DLEU7: variants seen among roughly 807,000 people sequenced by gnomAD.
The protein encoded by DLEU7 is deleted in lymphocytic leukemia 7.
A neutral mutation model predicts 16.0 loss-of-function variants in DLEU7; 17 were observed. The ratio of observed to expected loss-of-function variants is 1.06; its 90% CI spans 0.73 to 1.59. The LOEUF (loss-of-function observed/expected upper bound fraction) is 1.59, where lower values mean the gene tolerates loss of function less well. Ranked by LOEUF, DLEU7 falls within the 40% of genes most tolerant of loss-of-function variation. The probability of loss-of-function intolerance (pLI) is 0.00; values close to 1 mark genes in which losing one functional copy is unlikely to be tolerated. For synonymous variants in DLEU7, 113 were observed against 139.8 expected (o/e 0.81, Z 1.35); for missense variants, 308 against 314.9 (o/e 0.98, Z 0.17).
At chr13:50,821,967 T>C (rs1385979222), downstream of DLEU7, among the ~76,000 whole-genome samples, 1 of 152,108 alleles carries the variant, frequency 6.6e-6, no homozygotes, top group Non-Finnish European at 1.5e-5. Context: ...CTTCTCAGCC[T>C]TTTGGCTAAG....
At chr13:50,743,128 G>C (rs890373314) in intron 1 of DLEU7, among the ~76,000 whole-genome samples, 41 of 151,158 alleles carry the variant, frequency 2.7e-4, no homozygotes, top group African/African-American at 9.7e-4. Context: ...AATGGAATCT[G>C]TAAGAAAAAG....
intron 1 of DLEU7, among the ~76,000 whole-genome samples, chr13:50,719,936 ATTC>A (rs1326073058): frequency 3.3e-5 from 5 of 152,230 alleles, no homozygotes; most frequent in Non-Finnish European, 1.5e-5. Context: ...CGAAAGTCAC[ATTC>A]TTCTAGTTCT....
chr13:50,763,291 G>A (rs1157624269), intron 1 of DLEU7, among the ~76,000 whole-genome samples: 1 of 152,178 alleles, frequency 6.6e-6, no homozygotes, highest in Non-Finnish European at 1.5e-5. Context: ...CAAATGTTAA[G>A]CAGAGAACTA....
chr13:50,756,224 C>T (rs1162976482), intron 1 of DLEU7, among the ~76,000 whole-genome samples: 1 of 152,208 alleles, frequency 6.6e-6, no homozygotes, highest in African/African-American at 2.4e-5. Context: ...TTCCAGAGAG[C>T]ATCAGCTGTG....
chr13:50,812,038 C>G (rs1231846044), intron 1 of DLEU7, among the ~76,000 whole-genome samples: 2 of 145,504 alleles, frequency 1.4e-5, no homozygotes, highest in African/African-American at 2.5e-5. Flanking sequence ...CCATTGCACT[C>G]CAGCCTGGGT....
intron 1 of DLEU7, among the ~76,000 whole-genome samples, chr13:50,725,024 G>A (rs143247976): frequency 2.8e-4 from 42 of 152,210 alleles, no homozygotes; most frequent in African/African-American, 8.4e-4. Context: ...TCCAAACAAC[G>A]CTAATATCAA....
chr13:50,712,504 T>C (rs1285079003), exon 2 of DLEU7: 2 of 152,794 alleles, frequency 1.3e-5, no homozygotes, highest in East Asian at 3.9e-4. Flanking sequence ...TCAGCATTTA[T>C]GCAGCATATA....
chr13:50,741,677 T>A (rs947601686), intron 1 of DLEU7, among the ~76,000 whole-genome samples: 1 of 152,198 alleles, frequency 6.6e-6, no homozygotes, highest in Non-Finnish European at 1.5e-5. Context: ...CCTTAGCTTT[T>A]TAATAATTTT....
At chr13:50,800,503 A>G (rs758983193) in intron 1 of DLEU7, among the ~76,000 whole-genome samples, 6 of 152,078 alleles carry the variant, frequency 3.9e-5, no homozygotes, top group African/African-American at 7.2e-5. Flanking sequence ...ATTGCTACCT[A>G]TACCCCCTGG....
At chr13:50,742,497 T>C (rs757516452) in intron 1 of DLEU7, among the ~76,000 whole-genome samples, 7 of 149,578 alleles carry the variant, frequency 4.7e-5, no homozygotes, top group Non-Finnish European at 9.0e-5. Context: ...AACACCACTT[T>C]AAGGCTAACA....
downstream of DLEU7, chr13:50,822,533 C>T (rs971192596): frequency 1.2e-5 from 9 of 730,142 alleles, no homozygotes; most frequent in South Asian, 1.2e-4. Flanking sequence ...CGGCTCTAAA[C>T]GGTTTGGGAA....
chr13:50,840,951 A>G (rs1380725666), intron 1 of DLEU7, among the ~76,000 whole-genome samples: 1 of 152,214 alleles, frequency 6.6e-6, no homozygotes, highest in African/African-American at 2.4e-5. Context: ...GAAAATGTTT[A>G]GAATCAAAAG....
In DLEU7 at chr13:50,843,258, T is replaced by G; in HGVS notation, c.389A>C (p.Glu130Ala). 6.3e-7 allele frequency: 1 copy of G among 1,592,674 alleles called. No homozygotes were observed. The highest frequency in any genetic ancestry group is 8.5e-7 in the Non-Finnish European group (1 of 1,169,804). ...CAGCGTCTGCTCCACGCTGACCAGC[T>G]CCGAAGTCGAGTCCACCACGCGGGC... ...ALARVVDSTS[E>A]LVSVEQTLLG... The change falls in exon 1 of 2, where the codon GAG (glutamate) becomes GCG (alanine). Residue 130 changes from glutamate (E) to alanine (A), a missense_variant. Coordinates refer to ENST00000504404, the MANE Select transcript of DLEU7 (RefSeq NM_001306135.2). The surrounding 1 kb of genome is among the most constrained non-coding windows in gnomAD (Gnocchi z 5.7).
At chr13:50,829,352 A>G (rs1877189827) in intron 1 of DLEU7, among the ~76,000 whole-genome samples, 1 of 152,236 alleles carries the variant, frequency 6.6e-6, no homozygotes, top group Non-Finnish European at 1.5e-5. Context: ...AATACTAACT[A>G]CAAAGTATAA....
intron 1 of DLEU7, among the ~76,000 whole-genome samples, chr13:50,733,466 T>A (rs538511228): frequency 6.6e-6 from 1 of 152,334 alleles, no homozygotes; most frequent in South Asian, 2.1e-4. Flanking sequence ...TTCACGGATC[T>A]TACCTGTATG....
At chr13:50,799,015 C>T (rs149618171) in intron 1 of DLEU7, among the ~76,000 whole-genome samples, 11 of 152,260 alleles carry the variant, frequency 7.2e-5, no homozygotes, top group African/African-American at 1.9e-4. Flanking sequence ...ATCTTTGCTC[C>T]GAATTTTCCC....
intron 1 of DLEU7, among the ~76,000 whole-genome samples, chr13:50,833,691 T>A (rs939196929): frequency 9.2e-5 from 14 of 152,190 alleles, no homozygotes; most frequent in Admixed American, 8.5e-4. Context: ...AAAAATCTAC[T>A]TTAAATTTCA....
intron 1 of DLEU7, among the ~76,000 whole-genome samples, chr13:50,734,905 A>G (rs543613151): frequency 1.5e-4 from 23 of 152,234 alleles, no homozygotes; most frequent in African/African-American, 5.3e-4. Flanking sequence ...ACCCCTATCT[A>G]TAAGAGATAA....
chr13:50,841,347 G>A (rs1006287505), intron 1 of DLEU7, among the ~76,000 whole-genome samples: 1 of 151,978 alleles, frequency 6.6e-6, no homozygotes, highest in Non-Finnish European at 1.5e-5. Flanking sequence ...CTTAACCAAA[G>A]TATTCTCCTG....
Sources: allele counts gnomAD v4.1 joint callset (sites outside exome capture counted in the v4.1 genomes callset), GRCh38; gene constraint gnomAD v4.1.1; non-coding constraint Gnocchi (gnomAD v3.1); transcripts MANE v1.5; gene names NCBI Gene and HGNC (gene_info 2026-07-23, HGNC 2026-07-21).